The following RPRD2 variants were observed in gnomAD, a reference collection of about 807,000 sequenced individuals.
The protein encoded by RPRD2 is regulation of nuclear pre-mRNA domain-containing protein 2.
RPRD2 carries 12 observed loss-of-function variants against 104.4 expected under a neutral mutation model. That is an observed-to-expected ratio of 0.11 (90% CI 0.07 to 0.19). The LOEUF (loss-of-function observed/expected upper bound fraction) is 0.19. Among genes scored for constraint, RPRD2 ranks in the 10% least tolerant of loss-of-function variants. The pLI is 1.00. For synonymous variants in RPRD2, 714 were observed against 684.9 expected (o/e 1.04, Z -0.66); for missense variants, 1,543 against 1,790.1 (o/e 0.86, Z 2.49).
intron 2 of RPRD2, 40 bp from the exon 3 acceptor site, chr1:150,440,883 A>G: frequency 1.0e-6 from 1 of 971,804 alleles, no homozygotes; most frequent in Middle Eastern, 2.6e-4. Context: ...AGTAGAAGTC[A>G]AGGTTTTTAT....
At chr1:150,396,745 C>T (rs140210458) in intron 1 of RPRD2, among the ~76,000 whole-genome samples, 2 of 152,198 alleles carry the variant, frequency 1.3e-5, no homozygotes, top group East Asian at 3.9e-4. Flanking sequence ...CAATGCAACA[C>T]TAAGCAAAAC....
chr1:150,385,365 T>C (rs1261372470), intron 1 of RPRD2, among the ~76,000 whole-genome samples: 1 of 151,918 alleles, frequency 6.6e-6, no homozygotes, highest in African/African-American at 2.4e-5. Context: ...TAGCCCCAAG[T>C]ACTCGGGAGG....
rs79085772 is a variant in RPRD2, at chr1:150,393,880, A to T, written c.206-23716A>T. On this transcript the variant is annotated intron_variant, in intron 1 of 10. Transcript: ENST00000369068. ...CCTACATTGAGAGATAATGAAAATC[A>T]AACATAAGAACTTTGGTTCTTGGAG... Among the ~76,000 whole-genome samples, 16 of 152,288 alleles carry T rather than the reference A, an allele frequency of 1.1e-4. No individual in the cohort carries two copies. The East Asian group carries it at 3.1e-3, about 29-fold the overall frequency.
At chr1:150,385,518 TATC>T (rs1324882608) in intron 1 of RPRD2, among the ~76,000 whole-genome samples, 4 of 152,228 alleles carry the variant, frequency 2.6e-5, no homozygotes, top group African/African-American at 7.2e-5. Flanking sequence ...TTTTAAGTAT[TATC>T]ATTCTAGAAT....
intron 1 of RPRD2, among the ~76,000 whole-genome samples, chr1:150,378,723 C>T (rs1317822616): frequency 6.6e-6 from 1 of 152,046 alleles, no homozygotes; most frequent in Non-Finnish European, 1.5e-5. Context: ...CACTGAGTGC[C>T]TGTAATCCCA....
chr1:150,398,352 A>G (rs1662703881), intron 1 of RPRD2, among the ~76,000 whole-genome samples: 1 of 151,752 alleles, frequency 6.6e-6, no homozygotes, highest in South Asian at 2.1e-4. Context: ...GCCTGCCACC[A>G]CGCCTGGCTA....
chr1:150,443,290 TA>T lies in RPRD2; in HGVS notation c.567+8del, dbSNP rs782034689. 5.1e-6 allele frequency: 8 copies of T among 1,560,006 alleles called. No individual in the cohort carries two copies. The South Asian group carries it at 9.4e-5, about 18-fold the overall frequency. On this transcript the variant is annotated splice_region_variant and intron_variant, in intron 5 of 10. Transcript: ENST00000369068. ...GATAGTTGCTGAATTTCGAGTAAGT[TA>T]CAGAATTTGTTTAATATAGCAAAGT... is the stretch of plus-strand genomic sequence containing the variant.
At chr1:150,420,528 A>C (rs1257603236) in intron 2 of RPRD2, among the ~76,000 whole-genome samples, 1 of 152,220 alleles carries the variant, frequency 6.6e-6, no homozygotes, top group Non-Finnish European at 1.5e-5. Flanking sequence ...TTTAGAAATG[A>C]ATGAATGAAT....
intron 1 of RPRD2, among the ~76,000 whole-genome samples, chr1:150,391,193 A>G (rs1374631078): frequency 3.3e-5 from 5 of 152,248 alleles, no homozygotes; most frequent in African/African-American, 1.2e-4. Context: ...GAAAACAGCC[A>G]TCAAATTAGA....
At chr1:150,441,531 GT>G (rs1416157569) in intron 3 of RPRD2, 3 of 218,796 alleles carry the variant, frequency 1.4e-5, no homozygotes. Flanking sequence ...ACAGAAGTTT[GT>G]GATAATCTGC....
At chr1:150,470,441 C>A in intron 10 of RPRD2, 120 bp from the exon 11 acceptor site, 2 of 1,033,656 alleles carry the variant, frequency 1.9e-6, no homozygotes, top group Non-Finnish European at 2.8e-6. Flanking sequence ...TCCTTTTGGC[C>A]TTACACTTTG....
intron 1 of RPRD2, among the ~76,000 whole-genome samples, chr1:150,381,629 C>T (rs929010743): frequency 2.0e-5 from 3 of 151,810 alleles, no homozygotes; most frequent in African/African-American, 7.3e-5. Flanking sequence ...CTCAGTCTCC[C>T]GAGTAGCTGA....
intron 1 of RPRD2, among the ~76,000 whole-genome samples, chr1:150,366,665 C>T (rs973352181): frequency 6.6e-6 from 1 of 152,154 alleles, no homozygotes; most frequent in Non-Finnish European, 1.5e-5. Context: ...TAAGGTTACT[C>T]AGTAAAATGG....
At chr1:150,426,884 C>T (rs1191766443) in intron 2 of RPRD2, among the ~76,000 whole-genome samples, 3 of 152,194 alleles carry the variant, frequency 2.0e-5, no homozygotes, top group Non-Finnish European at 4.4e-5. Context: ...CTATGGCTCG[C>T]GCCTGTAATC....
At chr1:150,461,589 C>T (rs182522001) in intron 9 of RPRD2, among the ~76,000 whole-genome samples, 8 of 151,998 alleles carry the variant, frequency 5.3e-5, no homozygotes, top group African/African-American at 1.4e-4. Context: ...TGGTGGCTCA[C>T]GCCACCACTT....
Position 150,470,726 on chromosome 1 carries a change from C to T in RPRD2, c.1778C>T (p.Ser593Phe), listed in dbSNP as rs1187925636. The T allele has an allele frequency of 6.2e-7, 1 of 1,614,030 alleles. No individual in the cohort carries two copies. The highest frequency in any genetic ancestry group is 8.5e-7 in the Non-Finnish European group (1 of 1,179,888). Reference protein sequence around the residue: ...QPFIPKSFNYSPNSSTSEVSS... With the variant: ...QPFIPKSFNYFPNSSTSEVSS... ...TTTATTCCCAAAAGCTTCAACTATT[C>T]TCCTAACTCATCAACTTCTGAAGTC... The change falls in exon 11 of 11, where the codon TCT becomes TTT. Residue 593 changes from serine to phenylalanine, a missense_variant. Ser to Phe is a radical substitution (Grantham distance 155, BLOSUM62 -2). Coordinates refer to ENST00000369068, the MANE Select transcript of RPRD2 (RefSeq NM_015203.5).
At chr1:150,460,608 G>A (rs1667866636) in intron 9 of RPRD2, among the ~76,000 whole-genome samples, 1 of 152,028 alleles carries the variant, frequency 6.6e-6, no homozygotes, top group Non-Finnish European at 1.5e-5. Flanking sequence ...TCACCATGTT[G>A]GCCAGGCTGG....
At chr1:150,382,476 A>G (rs1661208858) in intron 1 of RPRD2, among the ~76,000 whole-genome samples, 1 of 151,596 alleles carries the variant, frequency 6.6e-6, no homozygotes, top group Non-Finnish European at 1.5e-5. Context: ...GATTCAAGTG[A>G]TCCTCTTGAG....
chr1:150,445,132 C>A (rs782456239), intron 6 of RPRD2, among the ~76,000 whole-genome samples: 1 of 152,166 alleles, frequency 6.6e-6, no homozygotes, highest in South Asian at 2.1e-4. Context: ...AGTGAACTCT[C>A]ATCATGTCAC....
Sources: allele counts gnomAD v4.1 joint callset (sites outside exome capture counted in the v4.1 genomes callset), GRCh38; gene constraint gnomAD v4.1.1; transcripts MANE v1.5; gene names NCBI Gene and HGNC (gene_info 2026-07-23, HGNC 2026-07-21).